The following TACC1 variants were observed in gnomAD, a reference collection of about 807,000 sequenced individuals.
TACC1 encodes the protein transforming acidic coiled-coil-containing protein 1.
Under a neutral mutation model 84.4 loss-of-function variants are expected in TACC1, and 48 were observed. That is an observed-to-expected ratio of 0.57 (90% CI 0.45 to 0.72). The LOEUF (loss-of-function observed/expected upper bound fraction) is 0.72. TACC1 is among the 30% of genes least tolerant of loss of function. TACC1 has a pLI of 0.00. For synonymous variants in TACC1, 372 were observed against 376.3 expected (o/e 0.99, Z 0.13); for missense variants, 920 against 973.0 (o/e 0.95, Z 0.72).
intron 2 of TACC1, among the ~76,000 whole-genome samples, chr8:38,802,985 A>C (rs951844248): frequency 3.3e-5 from 5 of 152,192 alleles, no homozygotes; most frequent in South Asian, 4.1e-4. Context: ...TCCGAACTAC[A>C]TCAACATCTT....
chr8:38,831,370 G>C (rs1588074905), intron 6 of TACC1, among the ~76,000 whole-genome samples, 193 bp downstream of exon 6: 1 of 152,314 alleles, frequency 6.6e-6, no homozygotes, highest in East Asian at 1.9e-4. Context: ...TGGAGCACTT[G>C]AACTGTAGCT....
At chr8:38,845,835 C>T (rs966134536) in intron 11 of TACC1, among the ~76,000 whole-genome samples, 27 of 152,242 alleles carry the variant, frequency 1.8e-4, no homozygotes, top group African/African-American at 6.3e-4. Context: ...CTGCCTGTCT[C>T]CTTGTATCTC....
At chr8:38,839,190 A>G (rs1026980087) in intron 8 of TACC1, 3 of 360,834 alleles carry the variant, frequency 8.3e-6, no homozygotes, top group African/African-American at 4.1e-5. Flanking sequence ...CGCCTGGTCC[A>G]TAATACTTTT....
intron 3 of TACC1, among the ~76,000 whole-genome samples, chr8:38,749,271 T>G (rs1165708433): frequency 6.6e-6 from 1 of 152,214 alleles, no homozygotes; most frequent in Non-Finnish European, 1.5e-5. Flanking sequence ...AGATATTGAA[T>G]TTGTAATTAA....
chr8:38,774,783 C>T (rs532695134), intron 3 of TACC1, among the ~76,000 whole-genome samples: 11 of 152,088 alleles, frequency 7.2e-5, no homozygotes, highest in Non-Finnish European at 1.2e-4. Flanking sequence ...GAGGCCGAGG[C>T]GGGCGGATCA....
chr8:38,735,094 A>G (rs1275051488), intron 1 of TACC1, among the ~76,000 whole-genome samples: 1 of 152,240 alleles, frequency 6.6e-6, no homozygotes, highest in Non-Finnish European at 1.5e-5. Context: ...TAGTTCATAC[A>G]CAGCTGTCAG....
Position 38,819,522 on chromosome 8 carries a change from A to G in TACC1, c.278A>G (p.Glu93Gly). Residue 93 changes from glutamate to glycine, a missense_variant and splice_region_variant, in exon 3 of 13, where the codon GAA becomes GGA. Around this residue, in one of 2 missense-constraint regions of TACC1, gnomAD observed 762 missense variants for 747.3 expected, o/e 1.02. Transcript: ENST00000317827. ...GLAGPGAKSQ[E>G]SQEADEQLVA... ...AGATGGTTTTTGTGTTTCATTTTAG[A>G]ATCACAAGAAGCTGATGAACAGCTT... 3 of 1,595,576 alleles carry G rather than the reference A, an allele frequency of 1.9e-6. No individual in the cohort carries two copies. Among genetic ancestry groups the G allele is most frequent in the Non-Finnish European group, 2.6e-6 (3 of 1,169,344 alleles).
upstream of TACC1, among the ~76,000 whole-genome samples, chr8:38,786,828 A>ATT (rs71216687): frequency 1.3e-4 from 19 of 147,844 alleles, no homozygotes; most frequent in South Asian, 2.1e-4. Flanking sequence ...GAAGGTTTGT[A>ATT]TTTTTTTTTT....
intron 2 of TACC1, among the ~76,000 whole-genome samples, chr8:38,795,900 A>T (rs1819853073): frequency 6.6e-6 from 1 of 152,258 alleles, no homozygotes; most frequent in Admixed American, 6.5e-5. Flanking sequence ...GGGAATAATA[A>T]TAATGGCATG....
chr8:38,847,923 T>C lies in TACC1; in HGVS notation c.2350-32T>C, dbSNP rs781072087. 99 of 1,587,262 alleles carry C rather than the reference T, an allele frequency of 6.2e-5. 1 individual carries two copies. In the South Asian group the frequency reaches 1.1e-3, roughly 17 times the overall value. ...TTTGCCTTTATTTCAGAATACAAAGTGGCCTGCATAATTATGTCATTTGTC... is the reference window on the plus strand; with the variant it reads ...TTTGCCTTTATTTCAGAATACAAAGCGGCCTGCATAATTATGTCATTTGTC... On this transcript the variant is annotated intron_variant, in intron 12 of 12. Coordinates refer to ENST00000317827, the MANE Select transcript of TACC1 (RefSeq NM_006283.3).
intron 1 of TACC1, among the ~76,000 whole-genome samples, chr8:38,729,134 C>T (rs1161140772): frequency 6.6e-6 from 1 of 152,126 alleles, no homozygotes; most frequent in Non-Finnish European, 1.5e-5. Flanking sequence ...ATTCTCACCA[C>T]GGTGAACGGG....
At chr8:38,837,184 G>A (rs1335491930) in intron 7 of TACC1, among the ~76,000 whole-genome samples, 1 of 150,388 alleles carries the variant, frequency 6.6e-6, no homozygotes, top group Non-Finnish European at 1.5e-5. Flanking sequence ...GGAGGCCAAG[G>A]CGGGCGGATC....
chr8:38,829,179 A>G (rs1588058529), intron 5 of TACC1, among the ~76,000 whole-genome samples: 1 of 152,194 alleles, frequency 6.6e-6, no homozygotes, highest in Non-Finnish European at 1.5e-5. Context: ...AATTTTATTC[A>G]TGGGCTTTTA....
At chr8:38,773,056 G>A (rs1037997932) in intron 3 of TACC1, among the ~76,000 whole-genome samples, 8 of 152,036 alleles carry the variant, frequency 5.3e-5, no homozygotes, top group Admixed American at 1.3e-4. Flanking sequence ...GGCCCGGCGC[G>A]GTGGCTCACG....
At chr8:38,836,466 C>G (rs1214520139) in intron 7 of TACC1, among the ~76,000 whole-genome samples, 179 bp downstream of exon 7, 1 of 152,206 alleles carries the variant, frequency 6.6e-6, no homozygotes, top group Non-Finnish European at 1.5e-5. Flanking sequence ...TCCTGACATT[C>G]TGGTCTCCAG....
At chr8:38,839,388 G>A (rs1038907988) in intron 8 of TACC1, 6 of 393,692 alleles carry the variant, frequency 1.5e-5, no homozygotes, top group Middle Eastern at 1.3e-3. Flanking sequence ...AGAAAAAAAG[G>A]CATAAATAAT....
intron 3 of TACC1, among the ~76,000 whole-genome samples, chr8:38,765,606 T>C (rs1812090037): frequency 6.6e-6 from 1 of 152,216 alleles, no homozygotes. Context: ...ATTGAACAAA[T>C]GTTAATTTTT....
chr8:38,800,650 A>G (rs960798684), intron 2 of TACC1, among the ~76,000 whole-genome samples: 2 of 151,998 alleles, frequency 1.3e-5, no homozygotes, highest in African/African-American at 4.8e-5. Flanking sequence ...TATTTTATTT[A>G]CCCGTTTATT....
chr8:38,848,016 C>CT lies in TACC1; in HGVS notation c.2412dup (p.Asp805Ter). On this transcript the variant is annotated frameshift_variant, in exon 13 of 13. Transcript: ENST00000317827. LOFTEE classifies it high-confidence loss of function. ...GAGCTGATTGCAAAGCTGGGAAAGA[C>CT]TGACTGAGACACTCCCCCTGTTAGC... The CT allele has an allele frequency of 6.2e-7, 1 of 1,613,578 alleles. No homozygotes were observed. The highest frequency in any genetic ancestry group is 8.5e-7 in the Non-Finnish European group (1 of 1,179,706).
Sources: gnomAD v4.1 joint callset for allele counts (sites outside exome capture counted in the v4.1 genomes callset) on GRCh38, gnomAD v4.1.1 for gene constraint, gnomAD v4.1.1 regional missense constraint, MANE v1.5 for transcripts, NCBI Gene and HGNC (gene_info 2026-07-23, HGNC 2026-07-21) for gene names.